NGF: variants seen among roughly 807,000 people sequenced by gnomAD.
The protein encoded by NGF is beta-nerve growth factor.
NGF carries 4 observed loss-of-function variants against 12.8 expected under a neutral mutation model. The observed-to-expected ratio is 0.31, with a 90% confidence interval of 0.15 to 0.72. The LOEUF is 0.72. Among genes scored for constraint, NGF ranks in the 30% least tolerant of loss-of-function variants. The pLI is 0.69. For missense variants in NGF, 283 were observed against 330.8 expected (o/e 0.86, Z 1.12); for synonymous variants, 140 against 130.0 (o/e 1.08, Z -0.52).
chr1:115,329,564 T>C (rs1654859214), intron 1 of NGF, among the ~76,000 whole-genome samples: 1 of 152,158 alleles, frequency 6.6e-6, no homozygotes, highest in African/African-American at 2.4e-5. Context: ...CATATATATG[T>C]ATATGTACAT....
chr1:115,337,267 G>GTTTGTTTTTTTTTTTTTTTTTTTTTT lies in NGF; in HGVS notation c.-137+936_-137+937insAAAAAAAAAAAAAAAAAAAAAACAAA. ...TCGAAATTTTTTTTGTTTTGTTTTT[G>GTTTGTTTTTTTTTTTTTTTTTTTTTT]TTTTTTTTTTTTTTTTTTTTTTTTT... On this transcript the variant is annotated intron_variant, in intron 1 of 2. Transcript: ENST00000369512. 9.1e-4 allele frequency among the ~76,000 whole-genome samples: 74 copies of GTTTGTTTTTTTTTTTTTTTTTTTTTT among 81,032 alleles called. 10 individuals are homozygous for GTTTGTTTTTTTTTTTTTTTTTTTTTT. Among genetic ancestry groups the GTTTGTTTTTTTTTTTTTTTTTTTTTT allele is most frequent in the East Asian group, 1.1e-3 (3 of 2,722 alleles). The allele number at this position is 81,032 out of a possible 152,430, so 53.2% of individuals were successfully genotyped here. A position where few individuals can be genotyped will look rare whatever the true frequency, so the allele number is the denominator to read the frequency against.
intron 2 of NGF, among the ~76,000 whole-genome samples, chr1:115,287,539 G>A (rs1348222936): frequency 1.3e-5 from 2 of 152,270 alleles, no homozygotes; most frequent in East Asian, 1.9e-4. Flanking sequence ...ATCTTCTCAT[G>A]AGTCTGTGAG....
intron 1 of NGF, among the ~76,000 whole-genome samples, chr1:115,335,478 T>C (rs1655085698): frequency 6.6e-6 from 1 of 152,192 alleles, no homozygotes; most frequent in Admixed American, 6.5e-5. Flanking sequence ...AGCTGATGGT[T>C]TGTGAGATCA....
At position 115,286,741 on chromosome 1, in the gene NGF, C is replaced by G; in HGVS notation, c.55G>C (p.Glu19Gln). ...GGGACATTGCTCTCTGAGTGTGGTT[C>G]CGCCTGTATGCCGATCAGAAAAGCT... is the stretch of plus-strand genomic sequence containing the variant. ...ITAFLIGIQA[E>Q]PHSESNVPAG... The change falls in exon 3 of 3, where the codon GAA becomes CAA. Residue 19 changes from glutamate to glutamine, a missense_variant. Around this residue, in one of 2 missense-constraint regions of NGF, gnomAD observed 151 missense variants for 141.6 expected, o/e 1.07. Transcript: ENST00000369512. The G allele has an allele frequency of 6.2e-7, 1 of 1,614,148 alleles. No individual in the cohort carries two copies. Among genetic ancestry groups the G allele is most frequent in the South Asian group, 1.1e-5 (1 of 91,066 alleles).
At chr1:115,289,523 T>C (rs1653618969) in intron 2 of NGF, among the ~76,000 whole-genome samples, 1 of 152,164 alleles carries the variant, frequency 6.6e-6, no homozygotes. Flanking sequence ...TCGAATCAAC[T>C]AGTCTTTTGA....
intron 2 of NGF, among the ~76,000 whole-genome samples, chr1:115,289,145 G>A (rs558133821): frequency 6.6e-6 from 1 of 152,288 alleles, no homozygotes; most frequent in African/African-American, 2.4e-5. Flanking sequence ...GCAGATAAAT[G>A]TCCGGTCAAC....
intron 1 of NGF, among the ~76,000 whole-genome samples, chr1:115,322,169 A>G (rs558565253): frequency 6.6e-6 from 1 of 152,236 alleles, no homozygotes; most frequent in Admixed American, 6.5e-5. Context: ...TGTCTCTGGA[A>G]TTTCTTTTCT....
At chr1:115,312,497 A>G (rs766659585) in intron 1 of NGF, among the ~76,000 whole-genome samples, 5 of 152,222 alleles carry the variant, frequency 3.3e-5, no homozygotes, top group Admixed American at 6.5e-5. Flanking sequence ...CTTGGGATAT[A>G]AATTTTGCTG....
At chr1:115,335,381 C>T (rs74557858) in intron 1 of NGF, among the ~76,000 whole-genome samples, 7 of 152,292 alleles carry the variant, frequency 4.6e-5, no homozygotes, top group Non-Finnish European at 1.0e-4. Flanking sequence ...GTCTTTCATC[C>T]TCATTTATTT....
At chr1:115,304,422 C>T (rs943513222) in intron 1 of NGF, among the ~76,000 whole-genome samples, 17 of 149,998 alleles carry the variant, frequency 1.1e-4, no homozygotes, top group African/African-American at 3.4e-4. Context: ...GATCCGCCCA[C>T]CTCGGCCTCC....
chr1:115,302,884 G>A (rs72991993), intron 1 of NGF, among the ~76,000 whole-genome samples: 7,666 of 152,176 alleles, frequency 0.05, 619 homozygotes, highest in African/African-American at 0.17. Flanking sequence ...GTTTGGTCTC[G>A]TGTGTGTGAG....
intron 2 of NGF, among the ~76,000 whole-genome samples, chr1:115,291,519 T>C (rs752786458): frequency 6.6e-6 from 1 of 152,180 alleles, no homozygotes; most frequent in Non-Finnish European, 1.5e-5. Flanking sequence ...ACATGTTCTA[T>C]TTAATATGAG....
intron 1 of NGF, among the ~76,000 whole-genome samples, chr1:115,298,825 C>T (rs1653951148): frequency 6.6e-6 from 1 of 151,734 alleles, no homozygotes; most frequent in Admixed American, 6.6e-5. Flanking sequence ...TCCTAGTTTC[C>T]ACCCAGGAGA....
chr1:115,324,541 C>T (rs555265819), intron 1 of NGF, among the ~76,000 whole-genome samples: 1 of 152,298 alleles, frequency 6.6e-6, no homozygotes, highest in East Asian at 1.9e-4. Flanking sequence ...TTCTCTCCTA[C>T]TCACTTTCTT....
At chr1:115,337,434 C>T (rs1024896878) in intron 1 of NGF, among the ~76,000 whole-genome samples, 2 of 151,784 alleles carry the variant, frequency 1.3e-5, no homozygotes, top group Non-Finnish European at 2.9e-5. Flanking sequence ...GCGCTCCCCG[C>T]CCTAACCTTC....
intron 1 of NGF, among the ~76,000 whole-genome samples, chr1:115,310,804 A>G (rs1390522528): frequency 6.6e-6 from 1 of 151,188 alleles, no homozygotes; most frequent in Non-Finnish European, 1.5e-5. Context: ...AAAATAGGAA[A>G]GAATCCAGCA....
At chr1:115,299,278 G>T (rs922933459) in intron 1 of NGF, among the ~76,000 whole-genome samples, 8 of 152,138 alleles carry the variant, frequency 5.3e-5, no homozygotes, top group African/African-American at 1.9e-4. Flanking sequence ...AAAAGAAATG[G>T]TCCTATGGCT....
intron 1 of NGF, among the ~76,000 whole-genome samples, chr1:115,337,267 GTTTTTTTTTTTTTTTTTTTT>G (rs67307707): frequency 9.9e-5 from 8 of 81,030 alleles, no homozygotes; most frequent in Non-Finnish European, 1.6e-4. Context: ...TTTTGTTTTT[GTTTTTTTTTTTTTTTTTTTT>G]TTTTTTTTTT....
chr1:115,293,341 C>T (rs11466100), intron 2 of NGF, among the ~76,000 whole-genome samples: 8,725 of 152,210 alleles, frequency 0.057, 824 homozygotes, highest in African/African-American at 0.2. Flanking sequence ...GTCTGACTGA[C>T]GCTGTCTATT....
Sources: gnomAD v4.1 joint callset for allele counts (sites outside exome capture counted in the v4.1 genomes callset) on GRCh38, gnomAD v4.1.1 for gene constraint, gnomAD v4.1.1 regional missense constraint, MANE v1.5 for transcripts, NCBI Gene and HGNC (gene_info 2026-07-23, HGNC 2026-07-21) for gene names.